GRM1: variants seen among roughly 807,000 people sequenced by gnomAD.
The protein encoded by GRM1 is glutamate metabotropic receptor 1, also known as metabotropic glutamate receptor 1.
A neutral mutation model predicts 90.9 loss-of-function variants in GRM1; 33 were observed. The ratio of observed to expected loss-of-function variants is 0.36; its 90% CI spans 0.28 to 0.49. GRM1 has a LOEUF of 0.49. Among genes scored for constraint, GRM1 ranks in the 20% least tolerant of loss-of-function variants. GRM1 has a pLI of 0.99. For synonymous variants in GRM1, 700 were observed against 613.2 expected, an observed-to-expected ratio of 1.14 and a Z score of -2.09; for missense variants, 1,190 against 1,534.3, an observed-to-expected ratio of 0.78 and a Z score of 3.75.
chr6:146,036,232 G>C (rs1790886755), intron 1 of GRM1, among the ~76,000 whole-genome samples: 1 of 151,948 alleles, frequency 6.6e-6, no homozygotes, highest in Non-Finnish European at 1.5e-5. Flanking sequence ...TAAGAACACA[G>C]AGGGCTGGGG....
intron 7 of GRM1, among the ~76,000 whole-genome samples, chr6:146,421,370 T>A (rs1777986757): frequency 6.6e-6 from 1 of 152,116 alleles, no homozygotes; most frequent in Non-Finnish European, 1.5e-5. Flanking sequence ...TAGTTATACA[T>A]AATACCGTGC....
At chr6:146,242,199 C>T (rs1216755325) in intron 2 of GRM1, among the ~76,000 whole-genome samples, 2 of 152,046 alleles carry the variant, frequency 1.3e-5, no homozygotes, top group African/African-American at 4.8e-5. Flanking sequence ...GTGTGACTAC[C>T]ATGTGTCTAG....
At chr6:146,309,857 G>C (rs1783715542) in intron 3 of GRM1, among the ~76,000 whole-genome samples, 1 of 152,060 alleles carries the variant, frequency 6.6e-6, no homozygotes. Context: ...GCATTTTCTT[G>C]CAATATGGCA....
chr6:146,129,995 AGAT>A (rs1776334997), intron 1 of GRM1, among the ~76,000 whole-genome samples: 1 of 152,058 alleles, frequency 6.6e-6, no homozygotes, highest in Non-Finnish European at 1.5e-5. Flanking sequence ...ATAAAATTTC[AGAT>A]GTATTGGCTT....
At chr6:146,248,429 C>T (rs1583219559) in intron 2 of GRM1, among the ~76,000 whole-genome samples, 2 of 152,114 alleles carry the variant, frequency 1.3e-5, no homozygotes, top group East Asian at 3.9e-4. Context: ...ATGCTGTTCT[C>T]GTGATAGTGA....
intron 1 of GRM1, among the ~76,000 whole-genome samples, chr6:146,149,361 A>G (rs750755185): frequency 3.2e-4 from 49 of 152,216 alleles, no homozygotes; most frequent in Non-Finnish European, 6.3e-4. Flanking sequence ...CTTGGGTTTT[A>G]TAAATAGCAA....
At chr6:146,406,316 T>C (rs1279640279) in intron 7 of GRM1, among the ~76,000 whole-genome samples, 1 of 152,160 alleles carries the variant, frequency 6.6e-6, no homozygotes, top group Non-Finnish European at 1.5e-5. Flanking sequence ...GGTATTAACA[T>C]AGTATGAAAA....
chr6:146,176,670 T>A (rs1284225156), intron 2 of GRM1, among the ~76,000 whole-genome samples: 1 of 152,094 alleles, frequency 6.6e-6, no homozygotes, highest in African/African-American at 2.4e-5. Flanking sequence ...TTAAATATTG[T>A]ATATTTTCTA....
At chr6:146,171,135 A>G (rs1361192438) in intron 2 of GRM1, among the ~76,000 whole-genome samples, 1 of 152,220 alleles carries the variant, frequency 6.6e-6, no homozygotes, top group Non-Finnish European at 1.5e-5. Flanking sequence ...ATATTCAAAT[A>G]AAAATTTGTC....
Position 146,437,320 on chromosome 6 carries a change from G to A in GRM1, c.*2524G>A, listed in dbSNP as rs1391555519. On this transcript the variant is annotated 3_prime_UTR_variant, in exon 8 of 8. Transcript: ENST00000282753. ...TTGGTCTAAGACTTTTGGTGAACAC[G>A]TTCATTCAACTGTGATCACTTTATT... 1.3e-5 allele frequency: 2 copies of A among 152,530 alleles called. No homozygotes were observed. Among genetic ancestry groups the A allele is most frequent in the East Asian group, 3.8e-4 (2 of 5,200 alleles). The allele number at this position is 152,530 out of a possible 1,614,324, so 9.4% of individuals were successfully genotyped here. A position where few individuals can be genotyped will look rare whatever the true frequency, so the allele number is the denominator to read the frequency against.
At chr6:146,398,471 C>T (rs747147834) in intron 6 of GRM1, among the ~76,000 whole-genome samples, 32 of 152,060 alleles carry the variant, frequency 2.1e-4, no homozygotes, top group Non-Finnish European at 4.3e-4. Context: ...CATGTAGAAC[C>T]GAGTCCCATT....
At chr6:146,287,386 C>T (rs1782804719) in intron 2 of GRM1, among the ~76,000 whole-genome samples, 1 of 152,152 alleles carries the variant, frequency 6.6e-6, no homozygotes, top group African/African-American at 2.4e-5. Flanking sequence ...GAAATTATTT[C>T]ACCACATTTA....
chr6:146,239,364 A>C (rs1450709984), intron 2 of GRM1, among the ~76,000 whole-genome samples: 1 of 152,172 alleles, frequency 6.6e-6, no homozygotes, highest in Non-Finnish European at 1.5e-5. Context: ...AAGTTCTGAA[A>C]TTAACACACA....
chr6:146,046,358 T>G (rs1791331804), intron 1 of GRM1, among the ~76,000 whole-genome samples: 1 of 151,956 alleles, frequency 6.6e-6, no homozygotes, highest in African/African-American at 2.4e-5. Flanking sequence ...AGTATCTAAG[T>G]CCTTGATTTG....
intron 6 of GRM1, among the ~76,000 whole-genome samples, chr6:146,393,687 T>A (rs915876121): frequency 6.6e-6 from 1 of 152,178 alleles, no homozygotes; most frequent in Non-Finnish European, 1.5e-5. Flanking sequence ...ATGGCCATAC[T>A]GCCCAAAGTA....
At chr6:146,403,967 T>C (rs1275771903) in intron 7 of GRM1, among the ~76,000 whole-genome samples, 1 of 152,184 alleles carries the variant, frequency 6.6e-6, no homozygotes, top group Non-Finnish European at 1.5e-5. Context: ...GTTGGGAATA[T>C]TCAAAATTCT....
chr6:146,358,502 A>G (rs1331331134), intron 5 of GRM1, among the ~76,000 whole-genome samples: 9 of 152,146 alleles, frequency 5.9e-5, no homozygotes, highest in Admixed American at 2.6e-4. Context: ...ATTCATCTTG[A>G]GGCACAGACA....
intron 2 of GRM1, among the ~76,000 whole-genome samples, chr6:146,236,580 A>T (rs1370864980): frequency 6.6e-6 from 1 of 152,122 alleles, no homozygotes; most frequent in East Asian, 1.9e-4. Context: ...AGCCTTCTCA[A>T]GGGTTCTTCT....
intron 2 of GRM1, among the ~76,000 whole-genome samples, chr6:146,291,493 A>G (rs1373847638): frequency 6.6e-6 from 1 of 151,482 alleles, no homozygotes; most frequent in East Asian, 1.9e-4. Context: ...AGATCTTCTG[A>G]TATTTAGGAA....
Sources: allele counts gnomAD v4.1 joint callset (sites outside exome capture counted in the v4.1 genomes callset), GRCh38; gene constraint gnomAD v4.1.1; transcripts MANE v1.5; gene names NCBI Gene and HGNC (gene_info 2026-07-23, HGNC 2026-07-21).